Variants in HSCB observed in about 807,000 individuals in gnomAD.
HSCB encodes HscB mitochondrial iron-sulfur cluster cochaperone, also known as iron-sulfur cluster co-chaperone protein HscB.
HSCB carries 23 observed loss-of-function variants against 31.3 expected under a neutral mutation model. The ratio of observed to expected loss-of-function variants is 0.74; its 90% CI spans 0.53 to 1.04. The LOEUF (loss-of-function observed/expected upper bound fraction) is 1.04. Ranked by LOEUF, HSCB falls within the 50% of genes least tolerant of loss-of-function variation. HSCB has a pLI of 0.00. For synonymous variants in HSCB, 110 were observed against 104.5 expected (o/e 1.05, Z -0.32); for missense variants, 297 against 288.1 (o/e 1.03, Z -0.22).
At position 28,747,348 on chromosome 22, in the gene HSCB, C is replaced by G. The variant is rs2029909465; in HGVS notation, c.568+1340C>G. On this transcript the variant is annotated intron_variant, in intron 4 of 5. Coordinates refer to ENST00000216027, the MANE Select transcript of HSCB (RefSeq NM_172002.5). The stretch of plus-strand genomic sequence containing the variant: ...ACATGGTCTCACTCTGTCACCCAGG[C>G]TGGAGCGCAGTGTTGCAATCACAGC... 1.3e-5 allele frequency among the ~76,000 whole-genome samples: 2 copies of G among 152,176 alleles called. 1 individual carries two copies. The highest frequency in any genetic ancestry group is 1.3e-4 in the Admixed American group (2 of 15,276).
chr22:28,742,964 G>A (rs989771817), intron 1 of HSCB, among the ~76,000 whole-genome samples: 4 of 152,256 alleles, frequency 2.6e-5, no homozygotes, highest in South Asian at 2.1e-4. Context: ...GACTCTGGGA[G>A]TAGAATGTGA....
chr22:28,754,669 CAA>C (rs913630739), intron 5 of HSCB, among the ~76,000 whole-genome samples: 2 of 143,480 alleles, frequency 1.4e-5, no homozygotes, highest in African/African-American at 5.1e-5. Context: ...GACTCTATCT[CAA>C]AAAAAAAAAG....
At chr22:28,753,297 G>A (rs908570798) in intron 5 of HSCB, among the ~76,000 whole-genome samples, 5 of 151,562 alleles carry the variant, frequency 3.3e-5, no homozygotes, top group East Asian at 3.9e-4. Flanking sequence ...AGGCTGAGGC[G>A]GGCGGATCAT....
chr22:28,746,814 G>A (rs1047530257), intron 4 of HSCB, among the ~76,000 whole-genome samples: 1 of 151,806 alleles, frequency 6.6e-6, no homozygotes, highest in Non-Finnish European at 1.5e-5. Context: ...CAGGAGAATC[G>A]CTTGAGCTTG....
At chr22:28,746,607 AGCCAAGCGTAG>A in intron 4 of HSCB, among the ~76,000 whole-genome samples, 1 of 151,742 alleles carries the variant, frequency 6.6e-6, no homozygotes, top group Non-Finnish European at 1.5e-5. Context: ...CAAAAAAATC[AGCCAAGCGTAG>A]GCCAGGTGTG....
At chr22:28,742,505 G>A (rs1157077771) in intron 1 of HSCB, 174 bp downstream of exon 1, 10 of 1,197,784 alleles carry the variant, frequency 8.3e-6, no homozygotes, top group Non-Finnish European at 1.1e-5. Flanking sequence ...GAAATTGAGA[G>A]GCGGGGACTG....
At chr22:28,755,925 A>G (rs564074971) in intron 5 of HSCB, among the ~76,000 whole-genome samples, 6 of 152,116 alleles carry the variant, frequency 3.9e-5, no homozygotes, top group Non-Finnish European at 8.8e-5. Flanking sequence ...AGATGTCCCC[A>G]TGGGGGCAAA....
chr22:28,746,120 C>T (rs2054683318), intron 4 of HSCB, 112 bp downstream of exon 4: 1 of 1,025,636 alleles, frequency 9.8e-7, no homozygotes, highest in Admixed American at 2.8e-5. Flanking sequence ...GTGGCTCACG[C>T]CTATAATCCC....
chr22:28,750,246 TCAAAAAAA>T (rs1440513390), intron 4 of HSCB, among the ~76,000 whole-genome samples: 2 of 23,440 alleles, frequency 8.5e-5, no homozygotes, highest in East Asian at 1.6e-3. Context: ...CGAAACTGTC[TCAAAAAAA>T]AAAAAAAAAA....
chr22:28,747,570 T>C (rs1180430395), intron 4 of HSCB, among the ~76,000 whole-genome samples: 1 of 152,194 alleles, frequency 6.6e-6, no homozygotes, highest in East Asian at 1.9e-4. Flanking sequence ...CCCAAAGTGC[T>C]GGGATTACAG....
At chr22:28,748,789 T>C (rs1033847271) in intron 4 of HSCB, among the ~76,000 whole-genome samples, 6 of 152,066 alleles carry the variant, frequency 3.9e-5, no homozygotes, top group African/African-American at 1.4e-4. Context: ...AGTGCTGGGA[T>C]TACAGGTGTG....
chr22:28,756,960 G>T (rs977097775), intron 5 of HSCB, 118 bp from the exon 6 acceptor site: 4 of 717,778 alleles, frequency 5.6e-6, no homozygotes, highest in Non-Finnish European at 1.0e-5. Flanking sequence ...TCTTACTGAG[G>T]AATTGATGAG....
Position 28,745,900 on chromosome 22 carries a change from G to T in HSCB, c.460G>T (p.Asp154Tyr), listed in dbSNP as rs747259401. Reference protein sequence around the residue: ...LHGIEIPERTDYEMDRQFLIE... With the variant: ...LHGIEIPERTYYEMDRQFLIE... ...TGGAATAGAGATTCCTGAAAGGACAGATTATGAAATGGACAGGCAATTCCT... is the reference window on the plus strand; with the variant it reads ...TGGAATAGAGATTCCTGAAAGGACATATTATGAAATGGACAGGCAATTCCT... The change falls in exon 4 of 6, where the codon GAT (aspartate) becomes TAT (tyrosine). Residue 154 changes from aspartate to tyrosine, a missense_variant. By Grantham distance (160) the Asp-to-Tyr change is radical. Coordinates refer to ENST00000216027, the MANE Select transcript of HSCB (RefSeq NM_172002.5). 6.2e-7 allele frequency: 1 copy of T among 1,613,394 alleles called. No individual in the cohort carries two copies. Among genetic ancestry groups the T allele is most frequent in the African/African-American group, 1.3e-5 (1 of 75,018 alleles).
In HSCB at chr22:28,757,260, G is replaced by A; in HGVS notation, c.*91G>A. 3.1e-6 allele frequency: 2 copies of A among 655,522 alleles called. No individual in the cohort carries two copies. The highest frequency in any genetic ancestry group is 5.5e-6 in the Non-Finnish European group (2 of 363,426). 40.6% of individuals were successfully genotyped at this position (655,522 alleles called of 1,614,324 possible). On this transcript the variant is annotated 3_prime_UTR_variant, in exon 6 of 6. Transcript: ENST00000216027. ...CCAGCACTTTGGGAGGCTGAGGTGG[G>A]TGGATGACAAGGTCAGGAGTTCAAG...
At chr22:28,746,380 C>CAAAAA (rs56751858) in intron 4 of HSCB, among the ~76,000 whole-genome samples, 3 of 71,566 alleles carry the variant, frequency 4.2e-5, no homozygotes, top group African/African-American at 5.8e-5. Context: ...GACTCCATCT[C>CAAAAA]AAAAAAAAAA....
intron 5 of HSCB, among the ~76,000 whole-genome samples, chr22:28,752,973 G>A (rs975863043): frequency 2.0e-5 from 3 of 151,676 alleles, no homozygotes; most frequent in Non-Finnish European, 2.9e-5. Context: ...CAGCTACTCC[G>A]AAGGCTGAGG....
intron 1 of HSCB, among the ~76,000 whole-genome samples, chr22:28,743,658 G>C (rs563562304): frequency 6.6e-6 from 1 of 152,152 alleles, no homozygotes; most frequent in South Asian, 2.1e-4. Context: ...TCTGATCTTT[G>C]ATTACTCATC....
intron 2 of HSCB, among the ~76,000 whole-genome samples, chr22:28,744,372 T>G: frequency 6.6e-6 from 1 of 152,028 alleles, no homozygotes; most frequent in South Asian, 2.1e-4. Flanking sequence ...GCCAACAGGG[T>G]GAAACCCTGT....
intron 5 of HSCB, 128 bp downstream of exon 5, chr22:28,751,416 AT>A (rs2030246161): frequency 5.3e-6 from 3 of 562,002 alleles, no homozygotes; most frequent in Non-Finnish European, 9.4e-6. Flanking sequence ...TGAAATACTT[AT>A]GAGTCTACAT....
Sources: gnomAD v4.1 joint callset for allele counts (sites outside exome capture counted in the v4.1 genomes callset) on GRCh38, gnomAD v4.1.1 for gene constraint, MANE v1.5 for transcripts, NCBI Gene and HGNC (gene_info 2026-07-23, HGNC 2026-07-21) for gene names.